The following MROH2A variants were observed in gnomAD, a reference collection of about 807,000 sequenced individuals.
MROH2A encodes the protein maestro heat like repeat family member 2A.
Under a neutral mutation model 200.4 loss-of-function variants are expected in MROH2A, and 174 were observed. The observed-to-expected ratio is 0.87, with a 90% CI of 0.77 to 0.98. The LOEUF (loss-of-function observed/expected upper bound fraction) is 0.98. Among genes scored for constraint, MROH2A ranks in the 50% least tolerant of loss-of-function variants. The pLI is 0.00. For missense variants in MROH2A, 2,045 were observed against 2,139.6 expected (o/e 0.96, Z 0.87); for synonymous variants, 829 against 840.4 (o/e 0.99, Z 0.23).
At chr2:233,809,427 A>C in intron 22 of MROH2A, 149 bp downstream of exon 22, 122 of 577,672 alleles carry the variant, frequency 2.1e-4, no homozygotes, top group East Asian at 5.2e-4. Flanking sequence ...CATTGCCCAA[A>C]TGTGCTGTTC....
chr2:233,815,531 T>A (rs192626542), intron 26 of MROH2A, among the ~76,000 whole-genome samples: 68 of 152,350 alleles, frequency 4.5e-4, no homozygotes, highest in Middle Eastern at 3.4e-3. Context: ...GATTTTATGA[T>A]TAGGTCTATG....
chr2:233,790,854 C>T (rs1168385926), intron 5 of MROH2A, among the ~76,000 whole-genome samples: 13 of 152,182 alleles, frequency 8.5e-5, no homozygotes, highest in Admixed American at 7.8e-4. Flanking sequence ...AGGAAATAGA[C>T]GTTTATAACA....
rs948156292 is a variant in MROH2A, at chr2:233,816,850, C to T, written c.2926C>T (p.Leu976Phe). 6.5e-7 allele frequency: 1 copy of T among 1,550,178 alleles called. No individual in the cohort carries two copies. The highest frequency in any genetic ancestry group is 2.0e-5 in the Admixed American group (1 of 51,006). ...REKAVSLHLY[L>F]MWIYVHSTAV... ...AAAGGCCGTGAGCCTCCATCTCTAT[C>T]TCATGTGGATTTATGTCCACAGCAC... Residue 976 changes from leucine to phenylalanine, a missense_variant, in exon 27 of 42, where the codon CTC (leucine) becomes TTC (phenylalanine). This residue lies in a region of MROH2A where 1,201 missense variants were observed against 1,311.3 expected (regional missense o/e 0.92). Coordinates refer to ENST00000389758, the MANE Select transcript of MROH2A (RefSeq NM_001394639.1).
At chr2:233,801,318 G>GT (rs1702458371) in intron 14 of MROH2A, among the ~76,000 whole-genome samples, 1 of 151,952 alleles carries the variant, frequency 6.6e-6, no homozygotes, top group Non-Finnish European at 1.5e-5. Context: ...ACTCCTAGGG[G>GT]TGGGGGTGGG....
At chr2:233,776,789 G>A (rs1700719521), upstream of MROH2A, among the ~76,000 whole-genome samples, 1 of 152,162 alleles carries the variant, frequency 6.6e-6, no homozygotes, top group South Asian at 2.1e-4. Flanking sequence ...ATGAAAAGGA[G>A]GAATCTATTT....
intron 8 of MROH2A, among the ~76,000 whole-genome samples, chr2:233,795,216 C>T (rs1022527997): frequency 1.4e-4 from 21 of 152,158 alleles, no homozygotes; most frequent in African/African-American, 4.8e-4. Context: ...GAGATGGAGC[C>T]GTTGCAGTGT....
intron 39 of MROH2A, among the ~76,000 whole-genome samples, chr2:233,831,976 G>T (rs944840896): frequency 1.3e-5 from 2 of 152,198 alleles, no homozygotes; most frequent in African/African-American, 4.8e-5. Context: ...GACAGCACAG[G>T]TTCTCTGGTC....
intron 38 of MROH2A, 32 bp from the exon 39 acceptor site, chr2:233,831,377 G>C (rs559761160): frequency 6.5e-7 from 1 of 1,527,410 alleles, no homozygotes; most frequent in Non-Finnish European, 8.8e-7. Context: ...TGGCCTGGCT[G>C]ATGGCTCTGC....
chr2:233,810,658 C>T, intron 22 of MROH2A, 136 bp from the exon 23 acceptor site: 3 of 1,130,208 alleles, frequency 2.7e-6, no homozygotes, highest in Non-Finnish European at 3.7e-6. Flanking sequence ...CAGAGTGAGG[C>T]TGGCCATCTC....
chr2:233,810,692 T>C (rs903108285), intron 22 of MROH2A, 102 bp from the exon 23 acceptor site: 18 of 1,428,170 alleles, frequency 1.3e-5, no homozygotes, highest in Non-Finnish European at 1.7e-5. Context: ...CATTAAACGC[T>C]TTCTTCAGAG....
At position 233,822,427 on chromosome 2, in the gene MROH2A, T is replaced by A. The variant is rs571048469; in HGVS notation, c.3737T>A (p.Leu1246His). Residue 1246 changes from leucine to histidine, a missense_variant, in exon 33 of 42, where the codon CTC becomes CAC. By Grantham distance (99) the Leu-to-His change is moderately conservative (BLOSUM62 -3). Around this residue, in one of 3 missense-constraint regions of MROH2A, gnomAD observed 1,201 missense variants for 1,311.3 expected, o/e 0.92. Transcript: ENST00000389758. ...LDENDKLPDF[L>H]PDLIYTLLLQ... Reference sequence around the variant, plus strand: ...GAGAATGACAAGCTCCCGGACTTCCTCCCTGACCTCATCTACACCCTCCTG... The same window carrying A: ...GAGAATGACAAGCTCCCGGACTTCCACCCTGACCTCATCTACACCCTCCTG... The A allele has an allele frequency of 4.7e-5, 73 of 1,547,798 alleles. No homozygotes were observed. The African/African-American group carries it at 9.7e-4, about 21-fold the overall frequency.
Position 233,805,018 on chromosome 2 carries a change from C to T in MROH2A, c.1959C>T (p.Ser653=). ...EDKLIQFLRN[S]LKKTRGSSWS... ...TGCCTCCCCAGTTTCTGCGAAACTCCCTCAAGAAGACCCGGGGGTCTAGCT... is the reference window on the plus strand; with the variant it reads ...TGCCTCCCCAGTTTCTGCGAAACTCTCTCAAGAAGACCCGGGGGTCTAGCT... The change falls in exon 19 of 42, where the codon TCC becomes TCT. Residue 653 remains serine, a synonymous_variant. Transcript: ENST00000389758. 1.3e-6 allele frequency: 2 copies of T among 1,549,906 alleles called. No homozygotes were observed. The highest frequency in any genetic ancestry group is 1.7e-6 in the Non-Finnish European group (2 of 1,146,650).
intron 15 of MROH2A, 137 bp downstream of exon 15, chr2:233,802,452 A>C: frequency 1.1e-6 from 1 of 938,136 alleles, no homozygotes; most frequent in South Asian, 1.8e-5. Flanking sequence ...AATTAATACT[A>C]TTAATGCCTA....
intron 15 of MROH2A, among the ~76,000 whole-genome samples, chr2:233,803,077 G>T (rs1244424576): frequency 1.3e-5 from 2 of 152,186 alleles, no homozygotes; most frequent in Non-Finnish European, 2.9e-5. Flanking sequence ...AAAGCCTGTG[G>T]AGAGAGTCAG....
At chr2:233,791,202 G>A (rs1048391782) in intron 5 of MROH2A, among the ~76,000 whole-genome samples, 1 of 152,200 alleles carries the variant, frequency 6.6e-6, no homozygotes, top group Admixed American at 6.5e-5. Flanking sequence ...ACATTAAGCT[G>A]CAGGGTCGCC....
rs1414002685 is a variant in MROH2A, at chr2:233,779,497, C to G, written c.94+45C>G. ...TTCTGCTTTCCTGCCCCATCTCAGA[C>G]ACTAACTCTTTGACTGCAGCCCCAG... is the stretch of plus-strand genomic sequence containing the variant. On this transcript the variant is annotated intron_variant, in intron 2 of 41. Coordinates refer to ENST00000389758, the MANE Select transcript of MROH2A (RefSeq NM_001394639.1). 2.0e-6 allele frequency: 3 copies of G among 1,465,874 alleles called. No individual in the cohort carries two copies. In the South Asian group the frequency reaches 3.6e-5, roughly 18 times the overall value. The allele number at this position is 1,465,874 out of a possible 1,614,324, so 90.8% of individuals were successfully genotyped here.
chr2:233,789,732 G>C, intron 4 of MROH2A, 104 bp downstream of exon 4: 40 of 1,457,790 alleles, frequency 2.7e-5, no homozygotes, highest in Non-Finnish European at 3.5e-5. Context: ...TTACCTCTCA[G>C]AGCAGGGGTA....
chr2:233,822,640 A>G, intron 33 of MROH2A, 84 bp downstream of exon 33: 1 of 1,386,412 alleles, frequency 7.2e-7, no homozygotes, highest in South Asian at 1.3e-5. Flanking sequence ...AGTGGACTCC[A>G]GTGAGGGGCC....
intron 27 of MROH2A, 120 bp downstream of exon 27, chr2:233,817,005 T>C (rs562631711): frequency 1.5e-4 from 97 of 644,914 alleles, no homozygotes; most frequent in African/African-American, 1.5e-3. Flanking sequence ...AGAGGGCCCC[T>C]TGGGAGAGGC....
Sources: allele counts gnomAD v4.1 joint callset (sites outside exome capture counted in the v4.1 genomes callset), GRCh38; gene constraint gnomAD v4.1.1; regional missense constraint gnomAD v4.1.1; transcripts MANE v1.5; gene names NCBI Gene and HGNC (gene_info 2026-07-23, HGNC 2026-07-21).